Variants in GDF1 observed in about 807,000 individuals in gnomAD.
GDF1 encodes embryonic growth/differentiation factor 1.
Under a neutral mutation model 7.4 loss-of-function variants are expected in GDF1, and 8 were observed. The observed-to-expected ratio is 1.09, with a 90% CI of 0.64 to 1.96. GDF1 has a LOEUF of 1.96. GDF1 is among the 30% of genes most tolerant of loss of function. The pLI is 0.00. For missense variants in GDF1, 574 were observed against 551.5 expected (o/e 1.04, Z -0.41); for synonymous variants, 311 against 276.7 (o/e 1.12, Z -1.23).
chr19:18,893,522 C>T lies in GDF1; in HGVS notation c.-1020G>A, dbSNP rs1421805338. The T allele has an allele frequency of 2.5e-6, 4 of 1,610,870 alleles. No individual in the cohort carries two copies. The highest frequency in any genetic ancestry group is 3.4e-6 in the Non-Finnish European group (4 of 1,178,874). ...GGTAGAAGAGAAACTTCCAAGCGCTCTCGGGCATCTTGGCGGCATCTCTGG... is the reference window on the plus strand; with the variant it reads ...GGTAGAAGAGAAACTTCCAAGCGCTTTCGGGCATCTTGGCGGCATCTCTGG... On this transcript the variant is annotated 5_prime_UTR_variant, in exon 2 of 8. Coordinates refer to ENST00000247005, the MANE Select transcript of GDF1 (RefSeq NM_001492.6).
chr19:18,882,081 A>AT (rs953647066), intron 3 of GDF1: 7 of 153,930 alleles, frequency 4.5e-5, no homozygotes, highest in African/African-American at 1.4e-4. Context: ...AAGTGCTGGG[A>AT]TTACAGGCAT....
In GDF1 at chr19:18,878,891, AAAG is replaced by A; in HGVS notation, c.-313+36_-313+38del. 3 of 1,607,302 alleles carry A rather than the reference AAAG, an allele frequency of 1.9e-6. No homozygotes were observed. The highest frequency in any genetic ancestry group is 2.5e-6 in the Non-Finnish European group (3 of 1,177,472). On this transcript the variant is annotated intron_variant, in intron 6 of 7. Coordinates refer to ENST00000247005, the MANE Select transcript of GDF1 (RefSeq NM_001492.6). The surrounding 1 kb of genome is among the most constrained non-coding windows in gnomAD (Gnocchi z 4.6). Reference sequence around the variant, plus strand: ...CGAACACGCTTGGACGGGTGACACTAAAGGAGGGAACGCGGGGTGCGGGCCCCT... The same window carrying A: ...CGAACACGCTTGGACGGGTGACACTAGAGGGAACGCGGGGTGCGGGCCCCT...
At chr19:18,892,254 C>T (rs2056508705) in intron 2 of GDF1, among the ~76,000 whole-genome samples, 2 of 152,184 alleles carry the variant, frequency 1.3e-5, no homozygotes, top group South Asian at 4.2e-4. Flanking sequence ...CTCCCACCTC[C>T]ATAGGGCAGC....
Position 18,875,924 on chromosome 19 carries a change from C to T in GDF1, c.-313+3006G>A, listed in dbSNP as rs74330451. Among the ~76,000 whole-genome samples the T allele has an allele frequency of 7.5e-3, 1,140 of 152,300 alleles. 14 individuals are homozygous for T. The highest frequency in any genetic ancestry group is 0.026 in the African/African-American group (1,090 of 41,570). On this transcript the variant is annotated intron_variant, in intron 6 of 7. Transcript: ENST00000247005. The stretch of plus-strand genomic sequence containing the variant: ...CGCTTAGAGTTCCCAGAGGGAGCAC[C>T]GCCCAGCTGACCTTGATTTTGAACA...
In GDF1 at chr19:18,895,747, C is replaced by T. The variant is rs969015392; in HGVS notation, c.-1074+77G>A. 2.0e-5 allele frequency: 16 copies of T among 797,874 alleles called. No homozygotes were observed. Among genetic ancestry groups the T allele is most frequent in the Admixed American group, 5.4e-5 (1 of 18,558 alleles). 49.4% of individuals were successfully genotyped at this position (797,874 alleles called of 1,614,324 possible). ...CAGCCAGCGCTGGAAGAAAGGAACG[C>T]GCCGGCGGCCCCAGGTCCCCGGTCC... On this transcript the variant is annotated intron_variant, in intron 1 of 7. Transcript: ENST00000247005. The surrounding 1 kb of genome is among the most constrained non-coding windows in gnomAD (Gnocchi z 6.4).
At chr19:18,887,645 G>A (rs531179679) in intron 2 of GDF1, among the ~76,000 whole-genome samples, 6 of 151,426 alleles carry the variant, frequency 4.0e-5, no homozygotes, top group Non-Finnish European at 8.8e-5. Flanking sequence ...CTCGAAGGCT[G>A]AGGCAGGAGC....
intron 6 of GDF1, among the ~76,000 whole-genome samples, chr19:18,872,660 C>A (rs988272572): frequency 2.6e-5 from 4 of 152,114 alleles, no homozygotes; most frequent in Non-Finnish European, 4.4e-5. Context: ...GGATTACAGG[C>A]GCCTGCCACC....
At chr19:18,880,187 T>C in intron 4 of GDF1, 87 bp downstream of exon 4, 1 of 1,274,936 alleles carries the variant, frequency 7.8e-7, no homozygotes, top group Non-Finnish European at 1.0e-6. Context: ...CCCCGCCTCC[T>C]TCCCTGCCTG....
At position 18,869,397 on chromosome 19, in the gene GDF1, A is replaced by C; in HGVS notation, c.326-7T>G. 3.3e-6 allele frequency: 5 copies of C among 1,526,468 alleles called. No homozygotes were observed. In the East Asian group the frequency reaches 1.3e-4, roughly 38 times the overall value. 94.6% of individuals were successfully genotyped at this position (1,526,468 alleles called of 1,614,324 possible). A position where few individuals can be genotyped will look rare whatever the true frequency, so the allele number is the denominator to read the frequency against. Reference sequence around the variant, plus strand: ...GAGGCCCGGGTGGGCGCACCTGGGGAGGTAGGAACAGGAACTCGGCTCGCG... The same window carrying C: ...GAGGCCCGGGTGGGCGCACCTGGGGCGGTAGGAACAGGAACTCGGCTCGCG... On this transcript the variant is annotated splice_polypyrimidine_tract_variant and splice_region_variant and intron_variant, in intron 7 of 7. Transcript: ENST00000247005.
intron 2 of GDF1, among the ~76,000 whole-genome samples, chr19:18,885,845 C>T (rs1239574536): frequency 6.6e-6 from 1 of 152,136 alleles, no homozygotes; most frequent in East Asian, 1.9e-4. Flanking sequence ...AGAGCCCTGC[C>T]TTGCGGGTGT....
Position 18,878,549 on chromosome 19 carries a change from C to T in GDF1, c.-313+381G>A, listed in dbSNP as rs1326297634. On this transcript the variant is annotated intron_variant, in intron 6 of 7. Transcript: ENST00000247005. The surrounding 1 kb of genome is among the most constrained non-coding windows in gnomAD (Gnocchi z 4.6). ...TCCTTCCTCCCCAGCCCCACTGCCA[C>T]CAGCTCCAGTGGCGACATGGGTCAG... The T allele has an allele frequency of 9.7e-7, 1 of 1,032,320 alleles. No homozygotes were observed. Among genetic ancestry groups the T allele is most frequent in the African/African-American group, 1.7e-5 (1 of 58,558 alleles). The allele number at this position is 1,032,320 out of a possible 1,614,324, so 63.9% of individuals were successfully genotyped here.
At chr19:18,887,170 C>T (rs1469686588) in intron 2 of GDF1, among the ~76,000 whole-genome samples, 4 of 152,302 alleles carry the variant, frequency 2.6e-5, no homozygotes, top group South Asian at 4.2e-4. Context: ...ACTATGCAGC[C>T]ATGAAAAAGA....
At position 18,878,606 on chromosome 19, in the gene GDF1, C is replaced by T. The variant is rs897982662; in HGVS notation, c.-313+324G>A. 1 of 1,157,968 alleles carries T rather than the reference C, an allele frequency of 8.6e-7. No homozygotes were observed. Among genetic ancestry groups the T allele is most frequent in the East Asian group, 5.7e-5 (1 of 17,654 alleles). 71.7% of individuals were successfully genotyped at this position (1,157,968 alleles called of 1,614,324 possible). A position where few individuals can be genotyped will look rare whatever the true frequency, so the allele number is the denominator to read the frequency against. On this transcript the variant is annotated intron_variant, in intron 6 of 7. Coordinates refer to ENST00000247005, the MANE Select transcript of GDF1 (RefSeq NM_001492.6). This position sits in a 1 kb window ranked among gnomAD's most constrained non-coding sequence, Gnocchi z 4.6. ...TCATCCAGGCTGGCCAGCAACTACT[C>T]CTCACCACCCACAGGGCCCTGGCTC... is the stretch of plus-strand genomic sequence containing the variant.
chr19:18,879,443 G>C lies in GDF1; in HGVS notation c.-570-55C>G. ...GTGGAGGGGGACGGTGCCCTACCCAGTCCCTGTCCTATCCCGTCCTAGACC... is the reference window on the plus strand; with the variant it reads ...GTGGAGGGGGACGGTGCCCTACCCACTCCCTGTCCTATCCCGTCCTAGACC... On this transcript the variant is annotated intron_variant, in intron 4 of 7. Coordinates refer to ENST00000247005, the MANE Select transcript of GDF1 (RefSeq NM_001492.6). 4 of 1,540,208 alleles carry C rather than the reference G, an allele frequency of 2.6e-6. No individual in the cohort carries two copies. The South Asian group carries it at 4.8e-5, about 19-fold the overall frequency.
At chr19:18,879,152 G>A (rs1222726040) in intron 5 of GDF1, 89 bp downstream of exon 5, 61 of 1,594,162 alleles carry the variant, frequency 3.8e-5, no homozygotes, top group South Asian at 3.4e-5. Flanking sequence ...GCCACCTAAC[G>A]TGCCCCTCCC....
Position 18,872,285 on chromosome 19 carries a change from T to C in GDF1, c.-312-1666A>G, listed in dbSNP as rs980971481. 2.0e-5 allele frequency among the ~76,000 whole-genome samples: 3 copies of C among 152,238 alleles called. 1 individual carries two copies. The South Asian group carries it at 6.2e-4, about 31-fold the overall frequency. On this transcript the variant is annotated intron_variant, in intron 6 of 7. Coordinates refer to ENST00000247005, the MANE Select transcript of GDF1 (RefSeq NM_001492.6). ...AGAAACAGCTGTCAGTATTTGCCTTTTGAGGTGTGGGTGGCGGTGTACCCA... is the reference window on the plus strand; with the variant it reads ...AGAAACAGCTGTCAGTATTTGCCTTCTGAGGTGTGGGTGGCGGTGTACCCA...
intron 6 of GDF1, among the ~76,000 whole-genome samples, chr19:18,872,801 G>A (rs538799617): frequency 4.0e-5 from 6 of 151,196 alleles, no homozygotes; most frequent in African/African-American, 7.3e-5. Flanking sequence ...AGGCGTGAGC[G>A]CCGCGCCTGG....
intron 6 of GDF1, among the ~76,000 whole-genome samples, chr19:18,871,925 C>T (rs1052572290): frequency 6.6e-6 from 1 of 152,194 alleles, no homozygotes; most frequent in Admixed American, 6.5e-5. Context: ...TGGGATGACT[C>T]CAGGGATTCC....
intron 2 of GDF1, among the ~76,000 whole-genome samples, chr19:18,885,785 C>T (rs1203380295): frequency 1.3e-5 from 2 of 152,022 alleles, no homozygotes; most frequent in African/African-American, 2.4e-5. Context: ...TCCCAAAGTG[C>T]TGGGATTACG....
Sources: allele counts gnomAD v4.1 joint callset (sites outside exome capture counted in the v4.1 genomes callset), GRCh38; gene constraint gnomAD v4.1.1; non-coding constraint Gnocchi (gnomAD v3.1); transcripts MANE v1.5; gene names NCBI Gene and HGNC (gene_info 2026-07-23, HGNC 2026-07-21).